Variants in CFAP52 observed in about 807,000 individuals in gnomAD.
CFAP52 encodes the protein cilia- and flagella-associated protein 52.
CFAP52 carries 57 observed loss-of-function variants against 70.5 expected under a neutral mutation model. The ratio of observed to expected loss-of-function variants is 0.81; its 90% confidence interval spans 0.65 to 1.01. The LOEUF (loss-of-function observed/expected upper bound fraction) is 1.01. Among genes scored for constraint, CFAP52 ranks in the 50% least tolerant of loss-of-function variants. The probability of loss-of-function intolerance (pLI) is 0.00; values close to 1 mark genes in which losing one functional copy is unlikely to be tolerated. For missense variants in CFAP52, 785 were observed against 788.5 expected, an observed-to-expected ratio of 1.00 and a Z score of 0.05; for synonymous variants, 267 against 292.5, an observed-to-expected ratio of 0.91 and a Z score of 0.89.
chr17:9,602,805 A>C (rs1427475679), intron 6 of CFAP52, among the ~76,000 whole-genome samples: 1 of 152,228 alleles, frequency 6.6e-6, no homozygotes, highest in Non-Finnish European at 1.5e-5. Context: ...AATGATCGCC[A>C]TTCTAACTAA....
At chr17:9,624,824 T>C (rs1328758351) in intron 8 of CFAP52, among the ~76,000 whole-genome samples, 2 of 152,172 alleles carry the variant, frequency 1.3e-5, no homozygotes, top group African/African-American at 4.8e-5. Context: ...GGACTCAAAC[T>C]GCAAATTTTG....
chr17:9,631,024 A>AGAGAGAGAG (rs1567634806), intron 9 of CFAP52, among the ~76,000 whole-genome samples: 1 of 30,032 alleles, frequency 3.3e-5, no homozygotes, highest in African/African-American at 1.5e-4. Flanking sequence ...GAAAGAAAGA[A>AGAGAGAGAG]AGAAAGAGAG....
chr17:9,627,652 A>G (rs1281160255), intron 8 of CFAP52, among the ~76,000 whole-genome samples: 2 of 152,200 alleles, frequency 1.3e-5, no homozygotes, highest in African/African-American at 4.8e-5. Flanking sequence ...CTCAGGTAAT[A>G]TACATTAAAT....
chr17:9,605,190 C>T (rs1039774259), intron 6 of CFAP52, among the ~76,000 whole-genome samples: 41 of 152,178 alleles, frequency 2.7e-4, no homozygotes, highest in African/African-American at 9.4e-4. Flanking sequence ...TTGGAAGCAA[C>T]CAAGATGTCC....
Position 9,612,491 on chromosome 17 carries a change from A to AG in CFAP52, c.1025+13dup, listed in dbSNP as rs745722527. On this transcript the variant is annotated intron_variant, in intron 8 of 13. Coordinates refer to ENST00000352665, the MANE Select transcript of CFAP52 (RefSeq NM_145054.5). ...ATTGTCTTTCCATTGTGAGTAGAAG[A>AG]GAAAAACAAGAATGTGGAGATTTGA... is the stretch of plus-strand genomic sequence containing the variant. 4 of 1,608,080 alleles carry AG rather than the reference A, an allele frequency of 2.5e-6. No individual in the cohort carries two copies. In the Admixed American group the frequency reaches 5.0e-5, roughly 20 times the overall value.
rs1910915944 is a variant in CFAP52, at chr17:9,638,662, G to A, written c.1526G>A (p.Cys509Tyr). ...ILANTLFQCV[C>Y]YHPEEFQIIT... ...GCCAACACCTTATTCCAGTGTGTGT[G>A]CTATCACCCTGAGGAGTTCCAGATC... Residue 509 changes from cysteine to tyrosine, a missense_variant, in exon 12 of 14, where the codon TGC becomes TAC. Coordinates refer to ENST00000352665, the MANE Select transcript of CFAP52 (RefSeq NM_145054.5). The A allele has an allele frequency of 1.2e-6, 2 of 1,614,066 alleles. No individual in the cohort carries two copies. Among genetic ancestry groups the A allele is most frequent in the Admixed American group, 1.7e-5 (1 of 59,998 alleles).
rs147551886 is a variant in CFAP52 at position 9,614,403 on chromosome 17, G to A, written c.1025+1924G>A. On this transcript the variant is annotated intron_variant, in intron 8 of 13. Transcript: ENST00000352665. ...GCTCCCAACCTCAGGTGATCCACCC[G>A]CCTTGGCCTCCCAAAGTGCTGGGAT... Among the ~76,000 whole-genome samples, 650 of 151,986 alleles carry A rather than the reference G, an allele frequency of 4.3e-3. 7 individuals are homozygous for A. The highest frequency in any genetic ancestry group is 0.014 in the African/African-American group (591 of 41,478).
At chr17:9,634,033 C>A (rs1051673341) in intron 10 of CFAP52, among the ~76,000 whole-genome samples, 23 of 152,018 alleles carry the variant, frequency 1.5e-4, no homozygotes, top group Admixed American at 1.5e-3. Flanking sequence ...TTAAATACAC[C>A]CAGACGTTTT....
intron 6 of CFAP52, among the ~76,000 whole-genome samples, chr17:9,606,348 A>G (rs1323427856): frequency 2.0e-5 from 3 of 151,172 alleles, no homozygotes; most frequent in Non-Finnish European, 4.4e-5. Context: ...GTGCCACTGC[A>G]CTCCAGCCTG....
At chr17:9,622,577 AT>A (rs1227033974) in intron 8 of CFAP52, among the ~76,000 whole-genome samples, 4 of 152,036 alleles carry the variant, frequency 2.6e-5, no homozygotes, top group African/African-American at 9.6e-5. Context: ...GAAGAAGATG[AT>A]GATGATGATG....
intron 8 of CFAP52, among the ~76,000 whole-genome samples, chr17:9,623,765 T>C (rs1910135697): frequency 6.6e-6 from 1 of 152,118 alleles, no homozygotes; most frequent in African/African-American, 2.4e-5. Flanking sequence ...CGCATGATCA[T>C]AGCACACTGC....
intron 3 of CFAP52, among the ~76,000 whole-genome samples, chr17:9,592,186 G>C (rs1389893301): frequency 1.3e-5 from 2 of 152,150 alleles, no homozygotes; most frequent in South Asian, 4.1e-4. Flanking sequence ...TACCCAGCCA[G>C]GCACGGTGGC....
Position 9,604,707 on chromosome 17 carries a change from G to A in CFAP52, c.754-3412G>A, listed in dbSNP as rs946929518. Reference sequence around the variant, plus strand: ...CACTTGAACCCGGCAGTGAGATCACGCCATTGCACTTCAGCCTGGGGGACA... The same window carrying A: ...CACTTGAACCCGGCAGTGAGATCACACCATTGCACTTCAGCCTGGGGGACA... On this transcript the variant is annotated intron_variant, in intron 6 of 13. Coordinates refer to ENST00000352665, the MANE Select transcript of CFAP52 (RefSeq NM_145054.5). Among the ~76,000 whole-genome samples, 8 of 151,466 alleles carry A rather than the reference G, an allele frequency of 5.3e-5. No individual in the cohort carries two copies. In the South Asian group the frequency reaches 8.3e-4, roughly 16 times the overall value.
chr17:9,627,337 C>T (rs1597790669), intron 8 of CFAP52, among the ~76,000 whole-genome samples: 1 of 152,148 alleles, frequency 6.6e-6, no homozygotes, highest in Non-Finnish European at 1.5e-5. Context: ...TGGTGAAACC[C>T]CGTCTCTACT....
At chr17:9,640,224 C>CTTT (rs113556452) in intron 12 of CFAP52, among the ~76,000 whole-genome samples, 2 of 125,608 alleles carry the variant, frequency 1.6e-5, no homozygotes, top group South Asian at 2.5e-4. Context: ...GTCAAGCACT[C>CTTT]TTTTTTTTTT....
In CFAP52 at chr17:9,592,075, G is replaced by A. The variant is rs76491800; in HGVS notation, c.408-2118G>A. On this transcript the variant is annotated intron_variant, in intron 3 of 13. Transcript: ENST00000352665. ...ATTTCACATATCATAAAATTGACCC[G>A]TGTTAAGGTGTACAGTTGAGTGGTT... Among the ~76,000 whole-genome samples, 32 of 152,008 alleles carry A rather than the reference G, an allele frequency of 2.1e-4. No individual in the cohort carries two copies. The East Asian group carries it at 3.7e-3, about 17-fold the overall frequency.
intron 6 of CFAP52, among the ~76,000 whole-genome samples, chr17:9,601,415 A>G (rs1225445230): frequency 1.3e-5 from 2 of 152,128 alleles, no homozygotes; most frequent in Admixed American, 1.3e-4. Context: ...GTATAATAAT[A>G]ATAAAATTTT....
chr17:9,636,247 GAA>G lies in CFAP52; in HGVS notation c.1472+693_1472+694del, dbSNP rs1910798147. Among the ~76,000 whole-genome samples the G allele has an allele frequency of 6.0e-5, 7 of 116,578 alleles. No individual in the cohort carries two copies. In the South Asian group the frequency reaches 2.2e-3, roughly 37 times the overall value. 76.5% of individuals were successfully genotyped at this position (116,578 alleles called of 152,430 possible). A position where few individuals can be genotyped will look rare whatever the true frequency, so the allele number is the denominator to read the frequency against. On this transcript the variant is annotated intron_variant, in intron 11 of 13. Coordinates refer to ENST00000352665, the MANE Select transcript of CFAP52 (RefSeq NM_145054.5). ...AGAAAGAAAGAAAGAAAGAAAGAAAGAAAGAGAAAGAAAAATAACTAATGCAG... is the reference window on the plus strand; with the variant it reads ...AGAAAGAAAGAAAGAAAGAAAGAAAGAGAGAAAGAAAAATAACTAATGCAG...
At chr17:9,631,028 A>AAGAGAGAGAGAGAGAGAG (rs761523039) in intron 9 of CFAP52, among the ~76,000 whole-genome samples, 16 of 44,694 alleles carry the variant, frequency 3.6e-4, no homozygotes, top group African/African-American at 7.3e-4. Flanking sequence ...GAAAGAAAGA[A>AAGAGAGAGAGAGAGAGAG]AGAGAGAGAG....
Sources: gnomAD v4.1 joint callset for allele counts (sites outside exome capture counted in the v4.1 genomes callset) on GRCh38, gnomAD v4.1.1 for gene constraint, MANE v1.5 for transcripts, NCBI Gene and HGNC (gene_info 2026-07-23, HGNC 2026-07-21) for gene names.